Variants in ANKMY2 observed in about 807,000 individuals in gnomAD.
The protein encoded by ANKMY2 is ankyrin repeat and MYND domain-containing protein 2.
A neutral mutation model predicts 50.4 loss-of-function variants in ANKMY2; 36 were observed. The ratio of observed to expected loss-of-function variants is 0.71; its 90% CI spans 0.55 to 0.94. ANKMY2 has a LOEUF of 0.94. ANKMY2 is among the 40% of genes least tolerant of loss of function. ANKMY2 has a pLI of 0.00. For missense variants in ANKMY2, 565 were observed against 524.0 expected (o/e 1.08, Z -0.76); for synonymous variants, 187 against 178.8 (o/e 1.05, Z -0.36).
At chr7:16,605,574 T>C (rs1781143069) in intron 7 of ANKMY2, among the ~76,000 whole-genome samples, 1 of 151,704 alleles carries the variant, frequency 6.6e-6, no homozygotes, top group Non-Finnish European at 1.5e-5. Context: ...CTTGGCTCAC[T>C]GCAACCTCCG....
At chr7:16,609,545 T>C (rs1781211540) in intron 7 of ANKMY2, 85 bp downstream of exon 7, 1 of 1,364,936 alleles carries the variant, frequency 7.3e-7, no homozygotes, top group Admixed American at 2.9e-5. Context: ...TAAAAATAAA[T>C]ATTAAAGAGA....
In ANKMY2 at chr7:16,606,604, T is replaced by C. The variant is rs75728405; in HGVS notation, c.883-1755A>G. ...TCCAAACCAGCATTTTGACACTCTT[T>C]ATAATTTTCATTTTCATTTGAGTAT... On this transcript the variant is annotated intron_variant, in intron 7 of 9. Coordinates refer to ENST00000306999, the MANE Select transcript of ANKMY2 (RefSeq NM_020319.3). Among the ~76,000 whole-genome samples the C allele has an allele frequency of 2.8e-4, 42 of 152,322 alleles. No homozygotes were observed. The East Asian group carries it at 8.1e-3, about 29-fold the overall frequency.
At chr7:16,625,584 T>C (rs1410282702) in intron 3 of ANKMY2, among the ~76,000 whole-genome samples, 2 of 152,216 alleles carry the variant, frequency 1.3e-5, no homozygotes, top group Admixed American at 6.5e-5. Flanking sequence ...GTAGTCATTA[T>C]GGGTATTTTG....
intron 1 of ANKMY2, 103 bp downstream of exon 1, chr7:16,645,404 C>A: frequency 8.4e-7 from 1 of 1,186,090 alleles, no homozygotes; most frequent in Admixed American, 3.0e-5. Context: ...GCAAACCTTG[C>A]AGAACCGCAG....
At chr7:16,623,138 A>C (rs1781463782) in intron 4 of ANKMY2, among the ~76,000 whole-genome samples, 1 of 152,200 alleles carries the variant, frequency 6.6e-6, no homozygotes, top group Admixed American at 6.5e-5. Context: ...TTAAAAAATG[A>C]CAAAAATCTT....
chr7:16,614,037 G>A (rs1405052275), intron 5 of ANKMY2, among the ~76,000 whole-genome samples: 3 of 152,068 alleles, frequency 2.0e-5, no homozygotes, highest in African/African-American at 7.2e-5. Context: ...GTCAGTCTAA[G>A]CCAGAATATC....
At position 16,600,600 on chromosome 7, in the gene ANKMY2, G is replaced by C. The variant is rs899309442; in HGVS notation, c.*161C>G. 4.2e-6 allele frequency: 2 copies of C among 478,176 alleles called. No individual in the cohort carries two copies. The highest frequency in any genetic ancestry group is 6.8e-6 in the Non-Finnish European group (2 of 294,748). 29.6% of individuals were successfully genotyped at this position (478,176 alleles called of 1,614,324 possible). The stretch of plus-strand genomic sequence containing the variant: ...AGAACAGAAATCAATAGGAAATTAG[G>C]GCATGGTCAACAGGGGTTTGCTTGA... On this transcript the variant is annotated 3_prime_UTR_variant, in exon 10 of 10. Transcript: ENST00000306999.
intron 5 of ANKMY2, among the ~76,000 whole-genome samples, chr7:16,611,145 G>A (rs552967802): frequency 1.4e-4 from 22 of 152,138 alleles, no homozygotes; most frequent in Non-Finnish European, 2.2e-4. Flanking sequence ...ACCACTTTTA[G>A]TTAACATTAC....
intron 5 of ANKMY2, among the ~76,000 whole-genome samples, chr7:16,612,801 C>T (rs1054514850): frequency 3.3e-5 from 5 of 152,072 alleles, no homozygotes; most frequent in Admixed American, 2.0e-4. Context: ...TACTTGTTTC[C>T]TTCCTTAATC....
At chr7:16,618,623 A>G (rs1781391762) in intron 4 of ANKMY2, among the ~76,000 whole-genome samples, 1 of 152,122 alleles carries the variant, frequency 6.6e-6, no homozygotes, top group Admixed American at 6.5e-5. Flanking sequence ...TCCCCAGTAC[A>G]TACGTCTTGA....
At chr7:16,636,262 C>T in intron 2 of ANKMY2, 129 bp downstream of exon 2, 1 of 660,180 alleles carries the variant, frequency 1.5e-6, no homozygotes, top group Non-Finnish European at 2.3e-6. Context: ...AAAATTGTGC[C>T]ACTGCATTCC....
rs143340869 is a variant in ANKMY2 at position 16,641,106 on chromosome 7, C to T, written c.67+4401G>A. Among the ~76,000 whole-genome samples the T allele has an allele frequency of 8.7e-3, 1,326 of 152,174 alleles. 24 individuals carry two copies. Among genetic ancestry groups the T allele is most frequent in the African/African-American group, 0.03 (1,235 of 41,496 alleles). ...AAAATTAGCCGGGCGCGGTGGTGCA[C>T]GCCTGTAATCCCAGCTACTCAGTAG... On this transcript the variant is annotated intron_variant, in intron 1 of 9. Coordinates refer to ENST00000306999, the MANE Select transcript of ANKMY2 (RefSeq NM_020319.3).
At chr7:16,625,218 A>G (rs1377634758) in intron 3 of ANKMY2, 137 bp from the exon 4 acceptor site, 2 of 581,472 alleles carry the variant, frequency 3.4e-6, no homozygotes, top group East Asian at 5.9e-5. Context: ...TTCTTTTAAA[A>G]CATGAATCCT....
chr7:16,616,090 T>C (rs1380472809), intron 4 of ANKMY2, among the ~76,000 whole-genome samples, 186 bp from the exon 5 acceptor site: 1 of 152,156 alleles, frequency 6.6e-6, no homozygotes, highest in Non-Finnish European at 1.5e-5. Flanking sequence ...AAACATTCCT[T>C]GTAAAGTTGA....
At chr7:16,606,291 C>T (rs1310276506) in intron 7 of ANKMY2, among the ~76,000 whole-genome samples, 2 of 152,052 alleles carry the variant, frequency 1.3e-5, no homozygotes, top group Non-Finnish European at 2.9e-5. Context: ...ATTAGCCAGG[C>T]ATGGTGGCAC....
Position 16,600,126 on chromosome 7 carries a change from G to A in ANKMY2, c.*635C>T, listed in dbSNP as rs900119749. On this transcript the variant is annotated 3_prime_UTR_variant, in exon 10 of 10. Coordinates refer to ENST00000306999, the MANE Select transcript of ANKMY2 (RefSeq NM_020319.3). ...TCAATATGCCTTTGTTCCTGCTGAG[G>A]GATCTGCCATTCTGGAGGTACAAAT... 2.6e-5 allele frequency: 4 copies of A among 152,094 alleles called. No individual in the cohort carries two copies. The highest frequency in any genetic ancestry group is 9.7e-5 in the African/African-American group (4 of 41,418). The allele number at this position is 152,094 out of a possible 1,614,324, so 9.4% of individuals were successfully genotyped here.
chr7:16,638,591 G>A (rs1212743835), intron 1 of ANKMY2, among the ~76,000 whole-genome samples: 1 of 152,192 alleles, frequency 6.6e-6, no homozygotes, highest in Non-Finnish European at 1.5e-5. Context: ...ATTTATGCAA[G>A]CTTGATTACA....
chr7:16,625,140 C>T (rs1781492081), intron 3 of ANKMY2, 59 bp from the exon 4 acceptor site: 1 of 1,332,366 alleles, frequency 7.5e-7, no homozygotes, highest in Non-Finnish European at 1.1e-6. Context: ...TTAAACATCC[C>T]TTTCTAAACT....
At chr7:16,627,806 G>C (rs1249792092) in intron 2 of ANKMY2, among the ~76,000 whole-genome samples, 1 of 150,350 alleles carries the variant, frequency 6.7e-6, no homozygotes, top group East Asian at 2.0e-4. Context: ...GAAATGGTTG[G>C]TAGTATTTAG....
Sources: allele counts gnomAD v4.1 joint callset (sites outside exome capture counted in the v4.1 genomes callset), GRCh38; gene constraint gnomAD v4.1.1; transcripts MANE v1.5; gene names NCBI Gene and HGNC (gene_info 2026-07-23, HGNC 2026-07-21).